NEXN: variants seen among roughly 807,000 people sequenced by gnomAD.
The protein encoded by NEXN is nexilin F-actin binding protein.
NEXN carries 65 observed loss-of-function variants against 92.6 expected under a neutral mutation model. That is an observed-to-expected ratio of 0.70 (90% confidence interval 0.57 to 0.86). NEXN has a LOEUF of 0.86. Ranked by LOEUF, NEXN falls within the 40% of genes least tolerant of loss-of-function variation. The pLI, the probability that NEXN is intolerant of heterozygous loss-of-function variation, is 0.00. For synonymous variants in NEXN, 254 were observed against 242.5 expected, an observed-to-expected ratio of 1.05 and a Z score of -0.44; for missense variants, 778 against 771.1, an observed-to-expected ratio of 1.01 and a Z score of -0.11.
chr1:77,939,602 A>ATAGGTGACT (rs1314457652), intron 11 of NEXN, among the ~76,000 whole-genome samples: 24 of 152,198 alleles, frequency 1.6e-4, no homozygotes, highest in Admixed American at 4.6e-4. Context: ...CAAAAATAAG[A>ATAGGTGACT]TAGGTGACTT....
intron 5 of NEXN, among the ~76,000 whole-genome samples, chr1:77,922,855 A>G (rs889383104): frequency 2.6e-5 from 4 of 152,084 alleles, no homozygotes; most frequent in African/African-American, 7.2e-5. Flanking sequence ...TCGGCCTCCC[A>G]AAGTGCTGGG....
At chr1:77,936,590 G>A (rs1010985006) in intron 11 of NEXN, among the ~76,000 whole-genome samples, 3 of 152,180 alleles carry the variant, frequency 2.0e-5, no homozygotes, top group African/African-American at 4.8e-5. Flanking sequence ...CGGTGTGGAA[G>A]AGCCTAAATG....
At position 77,890,708 on chromosome 1, in the gene NEXN, T is replaced by TA. The variant is rs1156623907; in HGVS notation, c.-53+1957dup. Among the ~76,000 whole-genome samples, 7 of 152,008 alleles carry TA rather than the reference T, an allele frequency of 4.6e-5. No homozygotes were observed. The South Asian group carries it at 6.2e-4, about 14-fold the overall frequency. On this transcript the variant is annotated intron_variant, in intron 1 of 12. Coordinates refer to ENST00000334785, the MANE Select transcript of NEXN (RefSeq NM_144573.4). ...GCCTATAATGACATACTTCATTTAT[T>TA]AAAAAAAATACCTGTTATCTTTGAA...
chr1:77,926,116 C>G (rs926005787), intron 6 of NEXN, among the ~76,000 whole-genome samples: 1 of 152,060 alleles, frequency 6.6e-6, no homozygotes, highest in African/African-American at 2.4e-5. Context: ...GATTAGTGCA[C>G]AAATAGCTTA....
At chr1:77,931,210 AC>A (rs1236370567) in intron 9 of NEXN, among the ~76,000 whole-genome samples, 1 of 138,794 alleles carries the variant, frequency 7.2e-6, no homozygotes, top group Admixed American at 7.6e-5. Flanking sequence ...ACATGTTGAA[AC>A]CCCGTCTCTA....
intron 11 of NEXN, 148 bp downstream of exon 11, chr1:77,936,192 T>C: frequency 1.6e-6 from 1 of 638,592 alleles, no homozygotes; most frequent in Non-Finnish European, 2.8e-6. Context: ...AAAACACATG[T>C]AGATCTTAGA....
intron 1 of NEXN, among the ~76,000 whole-genome samples, chr1:77,911,089 A>G (rs1202565813): frequency 6.6e-6 from 1 of 152,150 alleles, no homozygotes; most frequent in East Asian, 1.9e-4. Flanking sequence ...CCCCTGCCTC[A>G]GCCTTCCAAA....
At chr1:77,908,360 C>G (rs1184670084) in intron 1 of NEXN, among the ~76,000 whole-genome samples, 1 of 150,618 alleles carries the variant, frequency 6.6e-6, no homozygotes, top group African/African-American at 2.4e-5. Context: ...CAGGTGTGAG[C>G]CACTGCACCC....
rs189957833 is a variant in NEXN at position 77,889,493 on chromosome 1, T to G, written c.-53+734T>G. On this transcript the variant is annotated intron_variant, in intron 1 of 12. Coordinates refer to ENST00000334785, the MANE Select transcript of NEXN (RefSeq NM_144573.4). The stretch of plus-strand genomic sequence containing the variant: ...CTCTTGAGAACTCCCTTTGCCTATA[T>G]GCTTTTGAAAACGCCAAACCATTCC... 397 of 152,270 alleles carry G rather than the reference T, an allele frequency of 2.6e-3. 4 individuals carry two copies. The highest frequency in any genetic ancestry group is 9.2e-3 in the African/African-American group (383 of 41,558). 9.4% of individuals were successfully genotyped at this position (152,270 alleles called of 1,614,324 possible).
intron 5 of NEXN, 95 bp from the exon 6 acceptor site, chr1:77,925,093 C>A: frequency 2.5e-6 from 2 of 785,980 alleles, no homozygotes; most frequent in Non-Finnish European, 2.1e-6. Flanking sequence ...TGAAAATTTA[C>A]TATAAGTCAC....
chr1:77,925,077 T>A lies in NEXN; in HGVS notation c.448-111T>A, dbSNP rs1040066362. The stretch of plus-strand genomic sequence containing the variant: ...CAACATAAACATATTTCAAAAATTA[T>A]AAATTTGAAAATTTACTATAAGTCA... On this transcript the variant is annotated intron_variant, in intron 5 of 12. Transcript: ENST00000334785. 7.0e-6 allele frequency: 5 copies of A among 712,154 alleles called. No individual in the cohort carries two copies. The African/African-American group carries it at 9.0e-5, about 13-fold the overall frequency. The allele number at this position is 712,154 out of a possible 1,614,324, so 44.1% of individuals were successfully genotyped here. A position where few individuals can be genotyped will look rare whatever the true frequency, so the allele number is the denominator to read the frequency against.
chr1:77,889,326 C>G (rs1647051967), intron 1 of NEXN: 1 of 151,054 alleles, frequency 6.6e-6, no homozygotes, highest in Non-Finnish European at 1.5e-5. Context: ...CCCACACCCC[C>G]GCATATCCCC....
chr1:77,925,982 G>C (rs899162564), intron 6 of NEXN, among the ~76,000 whole-genome samples: 13 of 151,752 alleles, frequency 8.6e-5, no homozygotes, highest in African/African-American at 3.1e-4. Flanking sequence ...ACTAAATACT[G>C]GTTTCATTAA....
At chr1:77,892,981 C>A (rs1226363519) in intron 1 of NEXN, among the ~76,000 whole-genome samples, 1 of 151,964 alleles carries the variant, frequency 6.6e-6, no homozygotes, top group East Asian at 1.9e-4. Context: ...ATCCTCCTAC[C>A]TCAGCCTCCT....
intron 6 of NEXN, among the ~76,000 whole-genome samples, chr1:77,925,921 A>AAT (rs887318457): frequency 1.3e-5 from 2 of 152,066 alleles, no homozygotes; most frequent in Non-Finnish European, 2.9e-5. Flanking sequence ...GTTTATCTAT[A>AAT]ATATATATAA....
Position 77,917,578 on chromosome 1 carries a change from T to C in NEXN, c.40T>C (p.Ser14Pro). 6.2e-7 allele frequency: 1 copy of C among 1,612,404 alleles called. No homozygotes were observed. Among genetic ancestry groups the C allele is most frequent in the Middle Eastern group, 1.7e-4 (1 of 6,050 alleles). ...TCTTCTAATGAAGATTCTGCTTTCT[T>C]CATCTAAACCTGTCCCAAAAACCTA... ...ISQKAEILLS[S>P]SKPVPKTYVP... The change falls in exon 3 of 13, where the codon TCA becomes CCA. Residue 14 changes from serine to proline, a missense_variant. Physicochemically the swap from Ser to Pro is moderately conservative, Grantham distance 74. This residue lies in a region of NEXN where 236 missense variants were observed against 265.6 expected (regional missense o/e 0.89). Coordinates refer to ENST00000334785, the MANE Select transcript of NEXN (RefSeq NM_144573.4).
chr1:77,928,697 A>C (rs1650057554), intron 8 of NEXN, among the ~76,000 whole-genome samples: 1 of 152,152 alleles, frequency 6.6e-6, no homozygotes, highest in Non-Finnish European at 1.5e-5. Flanking sequence ...CAAAAATTAC[A>C]AAATGAGAAC....
chr1:77,933,191 CAAAAA>C, intron 9 of NEXN, 86 bp from the exon 10 acceptor site: 2 of 902,470 alleles, frequency 2.2e-6, no homozygotes, highest in Non-Finnish European at 3.4e-6. Flanking sequence ...TAAAAACAAA[CAAAAA>C]AAAGAAATCC....
At chr1:77,937,614 G>C (rs779347474) in intron 11 of NEXN, among the ~76,000 whole-genome samples, 1 of 152,006 alleles carries the variant, frequency 6.6e-6, no homozygotes, top group Non-Finnish European at 1.5e-5. Flanking sequence ...GCTTGAACCC[G>C]GGAGGTGGAG....
Sources: allele counts gnomAD v4.1 joint callset (sites outside exome capture counted in the v4.1 genomes callset), GRCh38; gene constraint gnomAD v4.1.1; regional missense constraint gnomAD v4.1.1; transcripts MANE v1.5; gene names NCBI Gene and HGNC (gene_info 2026-07-23, HGNC 2026-07-21).